The following MAPKBP1 variants were observed in gnomAD, a reference collection of about 807,000 sequenced individuals.
The protein encoded by MAPKBP1 is mitogen-activated protein kinase binding protein 1.
MAPKBP1 carries 71 observed loss-of-function variants against 170.5 expected under a neutral mutation model. The ratio of observed to expected loss-of-function variants is 0.42; its 90% CI spans 0.34 to 0.51. The LOEUF (loss-of-function observed/expected upper bound fraction) is 0.51. MAPKBP1 is among the 20% of genes least tolerant of loss of function. The pLI is 0.06. For synonymous variants in MAPKBP1, 719 were observed against 757.9 expected (o/e 0.95, Z 0.84); for missense variants, 1,598 against 1,933.0 (o/e 0.83, Z 3.25).
intron 22 of MAPKBP1, among the ~76,000 whole-genome samples, chr15:41,819,948 A>G (rs2064966728): frequency 1.3e-5 from 2 of 152,322 alleles, no homozygotes; most frequent in Middle Eastern, 3.4e-3. Flanking sequence ...CTGGAAGTAA[A>G]TATCATCAGA....
At chr15:41,786,590 C>T (rs993794097) in intron 2 of MAPKBP1, among the ~76,000 whole-genome samples, 1 of 150,274 alleles carries the variant, frequency 6.7e-6, no homozygotes, top group Non-Finnish European at 1.5e-5. Flanking sequence ...CGGTGAAACC[C>T]CGTCTCTACT....
rs2064926735 is a variant in MAPKBP1 at position 41,818,220 on chromosome 15, C to T, written c.2007C>T (p.Tyr669=). 6.2e-6 allele frequency: 10 copies of T among 1,614,036 alleles called. No individual in the cohort carries two copies. The highest frequency in any genetic ancestry group is 8.5e-6 in the Non-Finnish European group (10 of 1,180,024). ...TGCAGACAGACCCCTCAGGGATCTA[C>T]ATTGCCACCAGCTGTTCTGACAAGA... The part of the protein sequence containing the change: ...IKVQTDPSGI[Y]IATSCSDKNL... The change falls in exon 18 of 31, where the codon TAC becomes TAT. Residue 669 remains tyrosine (Y), a synonymous_variant. Coordinates refer to ENST00000457542, the MANE Select transcript of MAPKBP1 (RefSeq NM_014994.3). The surrounding 1 kb of genome is among the most constrained non-coding windows in gnomAD (Gnocchi z 5.2).
rs1456641101 is a variant in MAPKBP1, at chr15:41,817,734, C to T, written c.1903C>T (p.Arg635Trp). 1.2e-6 allele frequency: 2 copies of T among 1,612,430 alleles called. No homozygotes were observed. The highest frequency in any genetic ancestry group is 1.7e-6 in the Non-Finnish European group (2 of 1,179,212). ...TAIGCQDRNI[R>W]IFNISSGKQK... ...TATCGGCTGCCAGGACCGAAATATT[C>T]GGTGGGCGTCCCCTCCTCAGACTCT... Residue 635 changes from arginine to tryptophan, a missense_variant and splice_region_variant, in exon 16 of 31, where the codon CGG becomes TGG. By Grantham distance (101) the Arg-to-Trp change is moderately radical (BLOSUM62 -3). Transcript: ENST00000457542. This position sits in a 1 kb window ranked among gnomAD's most constrained non-coding sequence, Gnocchi z 4.2.
At chr15:41,794,088 C>T (rs1009596150) in intron 2 of MAPKBP1, among the ~76,000 whole-genome samples, 1 of 152,066 alleles carries the variant, frequency 6.6e-6, no homozygotes, top group African/African-American at 2.4e-5. Context: ...AAAAATTAGC[C>T]AGACACGATG....
At position 41,818,841 on chromosome 15, in the gene MAPKBP1, C is replaced by A. The variant is rs761340495; in HGVS notation, c.2175C>A (p.Arg725=). The change falls in exon 20 of 31, where the codon CGC becomes CGA. Residue 725 remains arginine, a synonymous_variant. Coordinates refer to ENST00000457542, the MANE Select transcript of MAPKBP1 (RefSeq NM_014994.3). This position sits in a 1 kb window ranked among gnomAD's most constrained non-coding sequence, Gnocchi z 5.2. ...VSGDSCIFVW[R]LSSEMTISMR... is the part of the protein sequence containing the mutation. ...ACCCCAGCTGCATATTTGTGTGGCG[C>A]CTGAGCTCTGAGATGACCATCAGCA... 2 of 1,614,056 alleles carry A rather than the reference C, an allele frequency of 1.2e-6. No homozygotes were observed. The highest frequency in any genetic ancestry group is 2.7e-5 in the African/African-American group (2 of 74,936).
At chr15:41,792,067 A>G (rs2064406086) in intron 2 of MAPKBP1, among the ~76,000 whole-genome samples, 1 of 149,754 alleles carries the variant, frequency 6.7e-6, no homozygotes, top group African/African-American at 2.5e-5. Flanking sequence ...AAAAAAAAAA[A>G]GACTGCAATC....
At chr15:41,784,303 G>T (rs2064242436) in intron 2 of MAPKBP1, among the ~76,000 whole-genome samples, 1 of 152,082 alleles carries the variant, frequency 6.6e-6, no homozygotes, top group Non-Finnish European at 1.5e-5. Flanking sequence ...CTGAGATACT[G>T]CCTCATGACA....
intron 2 of MAPKBP1, among the ~76,000 whole-genome samples, chr15:41,791,956 G>A (rs930618981): frequency 1.3e-5 from 2 of 151,752 alleles, no homozygotes; most frequent in Non-Finnish European, 2.9e-5. Flanking sequence ...TTGGGAGGCT[G>A]AGGCAGTAGA....
chr15:41,787,229 G>A (rs372297989), intron 2 of MAPKBP1, among the ~76,000 whole-genome samples: 3 of 152,198 alleles, frequency 2.0e-5, no homozygotes, highest in African/African-American at 7.2e-5. Context: ...GAAAAGATTT[G>A]TTACAACTAA....
chr15:41,812,877 C>T, intron 7 of MAPKBP1, 42 bp from the exon 8 acceptor site: 1 of 1,556,638 alleles, frequency 6.4e-7, no homozygotes, highest in Non-Finnish European at 8.7e-7. Flanking sequence ...CAGGGGCAGG[C>T]TCTGGGGTGG....
Position 41,818,092 on chromosome 15 carries a change from C to T in MAPKBP1, c.1980+8C>T, listed in dbSNP as rs749667320. The T allele has an allele frequency of 4.3e-6, 7 of 1,613,840 alleles. No individual in the cohort carries two copies. The Admixed American group carries it at 1.2e-4, about 27-fold the overall frequency. On this transcript the variant is annotated splice_region_variant and intron_variant, in intron 17 of 30. Coordinates refer to ENST00000457542, the MANE Select transcript of MAPKBP1 (RefSeq NM_014994.3). This position sits in a 1 kb window ranked among gnomAD's most constrained non-coding sequence, Gnocchi z 5.2. ...GACGGCACACTCATTAAGGTAAGGA[C>T]CCAGAGGGGGTACTGGACAGGGGCT...
chr15:41,779,547 G>A (rs1377453538), intron 2 of MAPKBP1, among the ~76,000 whole-genome samples: 4 of 151,946 alleles, frequency 2.6e-5, no homozygotes, highest in African/African-American at 4.8e-5. Flanking sequence ...GTCTTACGAT[G>A]TTGCTCAGGC....
chr15:41,812,242 C>G, intron 6 of MAPKBP1, 115 bp downstream of exon 6: 1 of 1,419,410 alleles, frequency 7.0e-7, no homozygotes, highest in Non-Finnish European at 9.7e-7. Context: ...CATTCTCATT[C>G]TAGAAAGTTA....
chr15:41,815,206 G>C (rs1021095816), intron 10 of MAPKBP1, 53 bp from the exon 11 acceptor site: 4 of 1,607,126 alleles, frequency 2.5e-6, no homozygotes, highest in Non-Finnish European at 3.4e-6. Context: ...CCTTGGGTAG[G>C]CAGAGGACTG....
chr15:41,809,359 T>C (rs1441302373), intron 3 of MAPKBP1, among the ~76,000 whole-genome samples: 1 of 152,148 alleles, frequency 6.6e-6, no homozygotes, highest in Non-Finnish European at 1.5e-5. Context: ...AGCCTGGCAG[T>C]TCTGGGCATA....
chr15:41,817,974 G>A lies in MAPKBP1; in HGVS notation c.1905-35G>A, dbSNP rs770172415. ...CCCCCAGGCGTGTTCCACCTTCACC[G>A]CCTCCTCATGAGAAAGAGACTATGT... is the stretch of plus-strand genomic sequence containing the variant. On this transcript the variant is annotated intron_variant, in intron 16 of 30. Transcript: ENST00000457542. This position sits in a 1 kb window ranked among gnomAD's most constrained non-coding sequence, Gnocchi z 4.2. The A allele has an allele frequency of 1.1e-5, 18 of 1,605,196 alleles. No individual in the cohort carries two copies. In the Admixed American group the frequency reaches 1.5e-4, roughly 13 times the overall value.
At chr15:41,810,533 C>G (rs565669597) in intron 3 of MAPKBP1, among the ~76,000 whole-genome samples, 33 of 117,000 alleles carry the variant, frequency 2.8e-4, no homozygotes, top group Non-Finnish European at 4.7e-4. Flanking sequence ...GTGGCAAGAT[C>G]CCGTGTCTAC....
At chr15:41,809,324 C>T (rs1435470916) in intron 3 of MAPKBP1, among the ~76,000 whole-genome samples, 2 of 152,088 alleles carry the variant, frequency 1.3e-5, no homozygotes, top group Non-Finnish European at 2.9e-5. Context: ...AATGATGTGA[C>T]TCAGGAATTC....
chr15:41,816,905 C>T lies in MAPKBP1; in HGVS notation c.1586-5C>T. On this transcript the variant is annotated splice_region_variant and splice_polypyrimidine_tract_variant and intron_variant, in intron 13 of 30. Coordinates refer to ENST00000457542, the MANE Select transcript of MAPKBP1 (RefSeq NM_014994.3). ...CATGGGCTGATGGAGTTCTTTCATCCCCAGGTCTGAAACTGCTAGCATCGG... is the reference window on the plus strand; with the variant it reads ...CATGGGCTGATGGAGTTCTTTCATCTCCAGGTCTGAAACTGCTAGCATCGG... The T allele has an allele frequency of 6.2e-7, 1 of 1,600,904 alleles. No homozygotes were observed. Among genetic ancestry groups the T allele is most frequent in the African/African-American group, 1.3e-5 (1 of 74,800 alleles).
Sources: allele counts gnomAD v4.1 joint callset (sites outside exome capture counted in the v4.1 genomes callset), GRCh38; gene constraint gnomAD v4.1.1; non-coding constraint Gnocchi (gnomAD v3.1); transcripts MANE v1.5; gene names NCBI Gene and HGNC (gene_info 2026-07-23, HGNC 2026-07-21).